ADGRD1: variants seen among roughly 807,000 people sequenced by gnomAD.
ADGRD1 encodes the protein G-protein coupled receptor 133.
A neutral mutation model predicts 113.4 loss-of-function variants in ADGRD1; 77 were observed. The ratio of observed to expected loss-of-function variants is 0.68; its 90% confidence interval spans 0.57 to 0.82. The LOEUF is 0.82. Among genes scored for constraint, ADGRD1 ranks in the 40% least tolerant of loss-of-function variants. The pLI is 0.00. For missense variants in ADGRD1, 1,036 were observed against 1,139.1 expected (o/e 0.91, Z 1.30); for synonymous variants, 474 against 475.0 (o/e 1.00, Z 0.03).
chr12:130,966,791 G>GTTT lies in ADGRD1; in HGVS notation c.187+245_187+246insTTT. On this transcript the variant is annotated intron_variant, in intron 3 of 24. Coordinates refer to ENST00000261654, the MANE Select transcript of ADGRD1 (RefSeq NM_198827.5). The surrounding 1 kb of genome is among the most constrained non-coding windows in gnomAD (Gnocchi z 4.6). ...AACTTCCCGTAATAGTTATTTCAAA[G>GTTT]CTTTTTTTTTTGTAGAGATGGGGTC... The GTTT allele has an allele frequency of 7.9e-6, 3 of 380,788 alleles. No individual in the cohort carries two copies. The highest frequency in any genetic ancestry group is 1.4e-5 in the Non-Finnish European group (3 of 207,246). The allele number at this position is 380,788 out of a possible 1,614,324, so 23.6% of individuals were successfully genotyped here.
intron 20 of ADGRD1, among the ~76,000 whole-genome samples, chr12:131,129,326 G>T (rs1284839924): frequency 2.1e-5 from 3 of 141,354 alleles, no homozygotes; most frequent in Non-Finnish European, 4.5e-5. Flanking sequence ...GGGTGTGAGT[G>T]ACAGGCCTGC....
chr12:130,979,847 A>C (rs1360940108), intron 4 of ADGRD1, among the ~76,000 whole-genome samples: 3 of 150,718 alleles, frequency 2.0e-5, no homozygotes, highest in Non-Finnish European at 4.4e-5. Context: ...ACACACACAC[A>C]CACACACACA....
intron 18 of ADGRD1, among the ~76,000 whole-genome samples, 163 bp from the exon 19 acceptor site, chr12:131,118,222 G>A (rs139969910): frequency 0.015 from 2,232 of 152,296 alleles, 25 homozygotes; most frequent in Admixed American, 0.025. Context: ...AGTTCTTTGA[G>A]GATAGGGGCT....
intron 13 of ADGRD1, chr12:131,026,211 G>GT (rs1879926339): frequency 6.6e-6 from 1 of 152,270 alleles, no homozygotes; most frequent in Non-Finnish European, 1.5e-5. Context: ...TCAGTGGACT[G>GT]TGTCTCAGGG....
chr12:131,011,964 C>T (rs942170748), intron 12 of ADGRD1, among the ~76,000 whole-genome samples: 8 of 152,082 alleles, frequency 5.3e-5, no homozygotes, highest in African/African-American at 1.4e-4. Context: ...TTGCCTTGGT[C>T]CCCCCCAACT....
At chr12:131,110,646 A>C (rs1338530115) in intron 18 of ADGRD1, among the ~76,000 whole-genome samples, 1 of 152,078 alleles carries the variant, frequency 6.6e-6, no homozygotes, top group East Asian at 1.9e-4. Flanking sequence ...TAACCTTCTG[A>C]TTTCCATTTC....
rs149265741 is a variant in ADGRD1 at position 131,041,092 on chromosome 12, T to C, written c.1473+26752T>C. 2.1e-3 allele frequency among the ~76,000 whole-genome samples: 327 copies of C among 152,316 alleles called. No individual in the cohort carries two copies. The highest frequency in any genetic ancestry group is 7.5e-3 in the African/African-American group (312 of 41,568). Reference sequence around the variant, plus strand: ...TGTGGTGATGATGCCACCATTTCTCTGATGCCCTCACTTGTCCTGGGGTGA... The same window carrying C: ...TGTGGTGATGATGCCACCATTTCTCCGATGCCCTCACTTGTCCTGGGGTGA... On this transcript the variant is annotated intron_variant, in intron 13 of 24. Transcript: ENST00000261654. The surrounding 1 kb of genome is among the most constrained non-coding windows in gnomAD (Gnocchi z 4.4).
chr12:131,005,217 G>T (rs1308465630), intron 11 of ADGRD1, among the ~76,000 whole-genome samples: 1 of 152,158 alleles, frequency 6.6e-6, no homozygotes, highest in Non-Finnish European at 1.5e-5. Context: ...TAGGGCAGAG[G>T]CAGGGATGTC....
At position 131,004,240 on chromosome 12, in the gene ADGRD1, TCC is replaced by T; in HGVS notation, c.1201_1202del (p.Pro401GlyfsTer93). On this transcript the variant is annotated frameshift_variant, in exon 11 of 25. Transcript: ENST00000261654. LOFTEE classifies it high-confidence loss of function. ...ACCGTGAATTCCTCCCATTACCGCT[TCC>T]CGGCCCACGGGCAGAGCTTCATCCA... 10 of 1,613,916 alleles carry T rather than the reference TCC, an allele frequency of 6.2e-6. No homozygotes were observed. Among genetic ancestry groups the T allele is most frequent in the Non-Finnish European group, 8.5e-6 (10 of 1,179,972 alleles).
At chr12:131,019,854 G>A (rs1732816) in intron 13 of ADGRD1, among the ~76,000 whole-genome samples, 13,243 of 48,584 alleles carry the variant, frequency 0.27, 506 homozygotes, top group Middle Eastern at 0.45. Context: ...CCCGAGCTCC[G>A]TCCAGGGCAG....
At chr12:131,111,828 G>A (rs1358663986) in intron 18 of ADGRD1, among the ~76,000 whole-genome samples, 3 of 152,000 alleles carry the variant, frequency 2.0e-5, no homozygotes, top group East Asian at 1.9e-4. Flanking sequence ...AGACAGGGTC[G>A]TTATGCATTC....
chr12:131,034,173 G>A (rs931329130), intron 13 of ADGRD1, among the ~76,000 whole-genome samples: 6 of 152,160 alleles, frequency 3.9e-5, no homozygotes, highest in Admixed American at 1.3e-4. Flanking sequence ...AGATCTACAC[G>A]CCCTTCTTCC....
At chr12:131,077,015 A>C (rs540823692) in intron 14 of ADGRD1, 141 bp downstream of exon 14, 1 of 753,886 alleles carries the variant, frequency 1.3e-6, no homozygotes, top group Non-Finnish European at 2.3e-6. Context: ...GAAATGCTGG[A>C]GATGTGGGCA....
At chr12:130,970,226 CT>C (rs1871453349) in intron 3 of ADGRD1, 1 of 152,192 alleles carries the variant, frequency 6.6e-6, no homozygotes, top group Non-Finnish European at 1.5e-5. Context: ...AGTTCTGACC[CT>C]GTCAATCTTA....
intron 20 of ADGRD1, among the ~76,000 whole-genome samples, chr12:131,127,864 G>A (rs1198316713): frequency 7.5e-5 from 9 of 119,922 alleles, no homozygotes; most frequent in South Asian, 3.1e-4. Context: ...TGGGGTGTTG[G>A]TTGGGTTGGT....
At chr12:131,089,999 CTG>C (rs1202999578) in intron 15 of ADGRD1, among the ~76,000 whole-genome samples, 1 of 152,158 alleles carries the variant, frequency 6.6e-6, no homozygotes, top group African/African-American at 2.4e-5. Flanking sequence ...CAGCTGAAAA[CTG>C]TGTTTTTGTG....
In ADGRD1 at chr12:130,954,564, G is replaced by A. The variant is rs563554090; in HGVS notation, c.66+33G>A. 86 of 1,613,822 alleles carry A rather than the reference G, an allele frequency of 5.3e-5. 2 individuals are homozygous for A. The South Asian group carries it at 8.9e-4, about 17-fold the overall frequency. ...CCCCAAGTGGCCAGGATGGCGACAG[G>A]CTTGGTTTCTCCGGAGGCTTTCCCT... is the stretch of plus-strand genomic sequence containing the variant. On this transcript the variant is annotated intron_variant, in intron 1 of 24. Transcript: ENST00000261654. This position sits in a 1 kb window ranked among gnomAD's most constrained non-coding sequence, Gnocchi z 4.7.
In ADGRD1 at chr12:131,060,334, G is replaced by A. The variant is rs899825275; in HGVS notation, c.1474-16467G>A. ...TATTTGGAGTAGCTAATTACTGCCTGTCTAGGTGGCCCCTTTCCTGGTCCT... is the reference window on the plus strand; with the variant it reads ...TATTTGGAGTAGCTAATTACTGCCTATCTAGGTGGCCCCTTTCCTGGTCCT... On this transcript the variant is annotated intron_variant, in intron 13 of 24. Coordinates refer to ENST00000261654, the MANE Select transcript of ADGRD1 (RefSeq NM_198827.5). This position sits in a 1 kb window ranked among gnomAD's most constrained non-coding sequence, Gnocchi z 4.4. 2.0e-5 allele frequency among the ~76,000 whole-genome samples: 3 copies of A among 152,254 alleles called. No homozygotes were observed. Among genetic ancestry groups the A allele is most frequent in the African/African-American group, 7.2e-5 (3 of 41,472 alleles).
chr12:130,986,152 C>T (rs1183223130), intron 5 of ADGRD1, among the ~76,000 whole-genome samples: 1 of 152,124 alleles, frequency 6.6e-6, no homozygotes, highest in Non-Finnish European at 1.5e-5. Flanking sequence ...TTCTGGCTCT[C>T]TTCCTTCTCC....
Sources: gnomAD v4.1 joint callset for allele counts (sites outside exome capture counted in the v4.1 genomes callset) on GRCh38, gnomAD v4.1.1 for gene constraint, Gnocchi (gnomAD v3.1) non-coding constraint, MANE v1.5 for transcripts, NCBI Gene and HGNC (gene_info 2026-07-23, HGNC 2026-07-21) for gene names.